CDC42SE2: variants seen among roughly 807,000 people sequenced by gnomAD.
CDC42SE2 encodes CDC42 small effector 2.
A neutral mutation model predicts 11.5 loss-of-function variants in CDC42SE2; 3 were observed. That is an observed-to-expected ratio of 0.26 (90% CI 0.12 to 0.67). The LOEUF is 0.67. CDC42SE2 is among the 30% of genes least tolerant of loss of function. The pLI, the probability that CDC42SE2 is intolerant of heterozygous loss-of-function variation, is 0.80. For missense variants in CDC42SE2, 82 were observed against 106.8 expected (o/e 0.77, Z 1.02); for synonymous variants, 33 against 34.8 (o/e 0.95, Z 0.18).
intron 2 of CDC42SE2, among the ~76,000 whole-genome samples, chr5:131,256,460 C>T (rs1756680767): frequency 6.6e-6 from 1 of 152,176 alleles, no homozygotes; most frequent in Admixed American, 6.6e-5. Flanking sequence ...ACTTAGTGGG[C>T]TGAAACAACA....
At chr5:131,347,123 A>G (rs1028947103) in intron 2 of CDC42SE2, among the ~76,000 whole-genome samples, 5 of 152,126 alleles carry the variant, frequency 3.3e-5, no homozygotes, top group Admixed American at 1.3e-4. Context: ...CAAAAGCTAG[A>G]AGAAGGCAAG....
chr5:131,361,012 ATTTT>A (rs566508892), intron 3 of CDC42SE2, among the ~76,000 whole-genome samples: 2 of 130,820 alleles, frequency 1.5e-5, no homozygotes, highest in Non-Finnish European at 3.3e-5. Flanking sequence ...ATTTTTCTTT[ATTTT>A]TTTTCTTGTT....
At chr5:131,265,217 ATCAAAT>A (rs1023026803) in intron 1 of CDC42SE2, among the ~76,000 whole-genome samples, 2 of 152,210 alleles carry the variant, frequency 1.3e-5, no homozygotes, top group African/African-American at 4.8e-5. Context: ...GAAAATATAT[ATCAAAT>A]TTGGATTTTC....
At chr5:131,264,388 C>A (rs991453229) in intron 1 of CDC42SE2, among the ~76,000 whole-genome samples, 1 of 152,164 alleles carries the variant, frequency 6.6e-6, no homozygotes, top group Admixed American at 6.5e-5. Context: ...TTTGGTTTTT[C>A]TTCTGTTTCC....
At chr5:131,295,776 G>A (rs915295706) in intron 1 of CDC42SE2, among the ~76,000 whole-genome samples, 5 of 150,856 alleles carry the variant, frequency 3.3e-5, no homozygotes, top group African/African-American at 4.9e-5. Context: ...TCCACCTCCC[G>A]GGTTCACGCC....
intron 3 of CDC42SE2, among the ~76,000 whole-genome samples, chr5:131,360,057 T>G (rs959553636): frequency 3.9e-5 from 6 of 152,202 alleles, no homozygotes; most frequent in African/African-American, 9.7e-5. Flanking sequence ...ATATGCCTTG[T>G]TTTTGTGCCC....
chr5:131,336,923 C>T (rs904140793), intron 2 of CDC42SE2, among the ~76,000 whole-genome samples: 6 of 152,086 alleles, frequency 3.9e-5, no homozygotes, highest in Non-Finnish European at 7.4e-5. Context: ...GAACTTCCTC[C>T]GTTAGCACAG....
intron 2 of CDC42SE2, among the ~76,000 whole-genome samples, chr5:131,349,976 T>C (rs1473969183): frequency 6.6e-6 from 1 of 152,136 alleles, no homozygotes; most frequent in Non-Finnish European, 1.5e-5. Flanking sequence ...AAACTTGATT[T>C]AGAACTAATC....
At chr5:131,310,175 T>C (rs895943607) in intron 1 of CDC42SE2, among the ~76,000 whole-genome samples, 5 of 151,966 alleles carry the variant, frequency 3.3e-5, no homozygotes, top group African/African-American at 7.2e-5. Context: ...TCAAAGAACA[T>C]CTTTATTTCT....
At chr5:131,233,078 A>G in the CDC42SE2 span, among the ~76,000 whole-genome samples, 1 of 152,078 alleles carries the variant, frequency 6.6e-6, no homozygotes, top group Non-Finnish European at 1.5e-5. Context: ...ACCAAAGGTA[A>G]TGTGTGCATA....
At chr5:131,218,605 G>A in the CDC42SE2 span, among the ~76,000 whole-genome samples, 29 of 147,960 alleles carry the variant, frequency 2.0e-4, no homozygotes, top group African/African-American at 6.0e-4. Flanking sequence ...TAGCCCAAAC[G>A]AAACAACTCA....
chr5:131,214,194 C>T, the CDC42SE2 span, among the ~76,000 whole-genome samples: 1 of 152,174 alleles, frequency 6.6e-6, no homozygotes, highest in Non-Finnish European at 1.5e-5. Context: ...AAATAAATCA[C>T]ACCTAACACC....
intron 2 of CDC42SE2, among the ~76,000 whole-genome samples, chr5:131,333,377 G>A (rs1283158320): frequency 1.3e-5 from 2 of 152,178 alleles, no homozygotes; most frequent in South Asian, 4.1e-4. Flanking sequence ...TAGCCTTGTA[G>A]TATAGTTTGA....
the CDC42SE2 span, among the ~76,000 whole-genome samples, chr5:131,225,493 T>G: frequency 4.9e-3 from 740 of 152,270 alleles, 6 homozygotes; most frequent in African/African-American, 0.017. Flanking sequence ...CAATTTGAAT[T>G]TACAACCCCA....
rs1170125092 is a variant in CDC42SE2 at position 131,385,604 on chromosome 5, C to T, written c.116C>T (p.Ala39Val). ...IGEPTNFVHTAHVGSGDLFSG... is the reference protein window; with the variant it reads ...IGEPTNFVHTVHVGSGDLFSG... ...GAGCCCACAAACTTTGTGCATACAG[C>T]TCATGTTGGATCAGGAGACCTGTTC... Residue 39 changes from alanine (A) to valine (V), a missense_variant, in exon 4 of 5, where the codon GCT becomes GTT. Physicochemically the swap from Ala to Val is moderately conservative, Grantham distance 64. Coordinates refer to ENST00000505065, the MANE Select transcript of CDC42SE2 (RefSeq NM_001375635.1). 2 of 1,613,678 alleles carry T rather than the reference C, an allele frequency of 1.2e-6. No individual in the cohort carries two copies. The highest frequency in any genetic ancestry group is 2.7e-5 in the African/African-American group (2 of 75,012).
intron 2 of CDC42SE2, among the ~76,000 whole-genome samples, chr5:131,356,352 C>T (rs2549017): frequency 0.43 from 65,202 of 151,984 alleles, 17,920 homozygotes; most frequent in African/African-American, 0.78. Context: ...GTTGAAGTTT[C>T]TTGTGAAGAA....
upstream of CDC42SE2, among the ~76,000 whole-genome samples, chr5:131,260,563 T>C (rs573926004): frequency 6.7e-6 from 1 of 148,514 alleles, no homozygotes; most frequent in South Asian, 2.1e-4. Flanking sequence ...AGAGGAAGAT[T>C]GCAGTGAGCC....
At chr5:131,371,745 G>A (rs141099250) in intron 3 of CDC42SE2, among the ~76,000 whole-genome samples, 1 of 152,288 alleles carries the variant, frequency 6.6e-6, no homozygotes, top group East Asian at 1.9e-4. Flanking sequence ...GTATATTTCA[G>A]TAAATTTTAT....
chr5:131,243,599 T>C (rs542386514), upstream of CDC42SE2, among the ~76,000 whole-genome samples: 2 of 152,030 alleles, frequency 1.3e-5, no homozygotes, highest in Non-Finnish European at 2.9e-5. Context: ...AAAAATAAAG[T>C]AAAATAATTT....
Sources: gnomAD v4.1 joint callset for allele counts (sites outside exome capture counted in the v4.1 genomes callset) on GRCh38, gnomAD v4.1.1 for gene constraint, MANE v1.5 for transcripts, NCBI Gene and HGNC (gene_info 2026-07-23, HGNC 2026-07-21) for gene names.